The following MNAT1 variants were observed in gnomAD, a reference collection of about 807,000 sequenced individuals.
The protein encoded by MNAT1 is CDK-activating kinase assembly factor MAT1.
In MNAT1, 43 loss-of-function variants were observed where a neutral mutation model predicts 42.0. The ratio of observed to expected loss-of-function variants is 1.02; its 90% confidence interval spans 0.80 to 1.32. MNAT1 has a LOEUF of 1.32. Among genes scored for constraint, MNAT1 ranks in the 40% most tolerant of loss-of-function variants. The pLI, the probability that MNAT1 is intolerant of heterozygous loss-of-function variation, is 0.00. For missense variants in MNAT1, 306 were observed against 350.4 expected (o/e 0.87, Z 1.01); for synonymous variants, 118 against 120.0 (o/e 0.98, Z 0.11).
chr14:60,780,852 G>A (rs1363239030), intron 1 of MNAT1, among the ~76,000 whole-genome samples: 1 of 151,902 alleles, frequency 6.6e-6, no homozygotes, highest in Non-Finnish European at 1.5e-5. Context: ...ACATTGTGAT[G>A]TATATTCCTT....
chr14:60,766,716 A>T (rs1025413101), intron 1 of MNAT1, among the ~76,000 whole-genome samples: 1 of 152,210 alleles, frequency 6.6e-6, no homozygotes, highest in South Asian at 2.1e-4. Flanking sequence ...CTCAAAAAAA[A>T]CAAAAATCTT....
intron 1 of MNAT1, among the ~76,000 whole-genome samples, chr14:60,767,472 C>T (rs1337301769): frequency 6.6e-6 from 1 of 152,020 alleles, no homozygotes; most frequent in African/African-American, 2.4e-5. Flanking sequence ...ACTTAAGATA[C>T]ATAGAGGATG....
At chr14:60,815,378 C>G (rs1477406543) in intron 5 of MNAT1, among the ~76,000 whole-genome samples, 2 of 152,072 alleles carry the variant, frequency 1.3e-5, no homozygotes, top group East Asian at 3.9e-4. Flanking sequence ...CCATGCCCAG[C>G]TAATTTTTTT....
intron 7 of MNAT1, among the ~76,000 whole-genome samples, chr14:60,920,951 A>C (rs924913252): frequency 2.0e-5 from 3 of 152,180 alleles, no homozygotes; most frequent in African/African-American, 7.2e-5. Context: ...TTTGGGTTAA[A>C]GTACTCTGGT....
intron 3 of MNAT1, among the ~76,000 whole-genome samples, chr14:60,802,245 A>C (rs1264758075): frequency 6.6e-6 from 1 of 152,142 alleles, no homozygotes; most frequent in Admixed American, 6.6e-5. Flanking sequence ...AGGAGGAATA[A>C]GTTTTTGAGG....
chr14:60,825,805 T>C (rs1207473964), intron 6 of MNAT1, among the ~76,000 whole-genome samples: 1 of 152,164 alleles, frequency 6.6e-6, no homozygotes, highest in African/African-American at 2.4e-5. Flanking sequence ...AGTGGGCTGA[T>C]TGTATGACCT....
chr14:60,951,270 T>TC (rs1374581079), intron 7 of MNAT1, among the ~76,000 whole-genome samples: 4 of 150,002 alleles, frequency 2.7e-5, no homozygotes, highest in African/African-American at 7.4e-5. Context: ...CCCTCCCTTT[T>TC]TTTTTTTTTT....
At chr14:60,941,289 A>G (rs1346008687) in intron 7 of MNAT1, among the ~76,000 whole-genome samples, 1 of 152,230 alleles carries the variant, frequency 6.6e-6, no homozygotes, top group Non-Finnish European at 1.5e-5. Flanking sequence ...TAATGAATTT[A>G]TGGTCAATAC....
chr14:60,825,108 T>C (rs1414581200), intron 6 of MNAT1, among the ~76,000 whole-genome samples: 1 of 152,150 alleles, frequency 6.6e-6, no homozygotes, highest in Non-Finnish European at 1.5e-5. Flanking sequence ...AAATAACTCA[T>C]ATATGTGATC....
chr14:60,833,788 G>A (rs1409789807), intron 6 of MNAT1, among the ~76,000 whole-genome samples: 1 of 152,166 alleles, frequency 6.6e-6, no homozygotes, highest in Non-Finnish European at 1.5e-5. Flanking sequence ...GTATTCAGCT[G>A]TGAATCTGTA....
chr14:60,812,911 G>C (rs889188000), intron 5 of MNAT1, among the ~76,000 whole-genome samples: 5 of 152,102 alleles, frequency 3.3e-5, no homozygotes, highest in African/African-American at 1.2e-4. Flanking sequence ...CATTCTTCTT[G>C]GATGCCAGAC....
At chr14:60,812,268 A>G in intron 5 of MNAT1, 141 bp downstream of exon 5, 1 of 703,168 alleles carries the variant, frequency 1.4e-6, no homozygotes, top group Non-Finnish European at 2.2e-6. Flanking sequence ...TTATGTATTG[A>G]TATCAGTGTA....
chr14:60,828,720 C>T (rs1432857943), intron 6 of MNAT1, among the ~76,000 whole-genome samples: 1 of 152,132 alleles, frequency 6.6e-6, no homozygotes, highest in Non-Finnish European at 1.5e-5. Flanking sequence ...TCGAAAGCTC[C>T]AGGTGGTAAC....
intron 7 of MNAT1, among the ~76,000 whole-genome samples, chr14:60,905,075 T>G (rs1332085289): frequency 1.3e-5 from 2 of 151,372 alleles, no homozygotes; most frequent in Non-Finnish European, 2.9e-5. Flanking sequence ...TTTACTTTTG[T>G]TATTCATTTG....
At chr14:60,779,797 A>AG (rs1259534720) in intron 1 of MNAT1, among the ~76,000 whole-genome samples, 3 of 152,120 alleles carry the variant, frequency 2.0e-5, no homozygotes, top group Non-Finnish European at 4.4e-5. Context: ...AGAAAAAAAA[A>AG]GAAAAAAAGA....
At chr14:60,956,996 T>C (rs898891435) in intron 7 of MNAT1, among the ~76,000 whole-genome samples, 1 of 152,242 alleles carries the variant, frequency 6.6e-6, no homozygotes, top group Non-Finnish European at 1.5e-5. Flanking sequence ...AAAGTAATGA[T>C]TGATAGGTAA....
In MNAT1 at chr14:60,946,309, C is replaced by G. The variant is rs147106155; in HGVS notation, c.810-21920C>G. 5.1e-3 allele frequency among the ~76,000 whole-genome samples: 781 copies of G among 152,208 alleles called. 14 individuals are homozygous for G. Among genetic ancestry groups the G allele is most frequent in the African/African-American group, 0.018 (733 of 41,520 alleles). ...CTTTGAAAAAAGTCTTATACTTGCT[C>G]TCTCTACTTCCTTATTTCTGATTCA... On this transcript the variant is annotated intron_variant, in intron 7 of 7. Coordinates refer to ENST00000261245, the MANE Select transcript of MNAT1 (RefSeq NM_002431.4).
chr14:60,874,492 C>T (rs2034394996), intron 6 of MNAT1, among the ~76,000 whole-genome samples: 1 of 151,568 alleles, frequency 6.6e-6, no homozygotes, highest in Non-Finnish European at 1.5e-5. Context: ...TCTCAATATT[C>T]TTCCTCTCAA....
chr14:60,945,454 G>C (rs901203885), intron 7 of MNAT1, among the ~76,000 whole-genome samples: 1 of 151,836 alleles, frequency 6.6e-6, no homozygotes, highest in Non-Finnish European at 1.5e-5. Context: ...TTCCTTATAG[G>C]AATCACTTTA....
Sources: gnomAD v4.1 joint callset for allele counts (sites outside exome capture counted in the v4.1 genomes callset) on GRCh38, gnomAD v4.1.1 for gene constraint, MANE v1.5 for transcripts, NCBI Gene and HGNC (gene_info 2026-07-23, HGNC 2026-07-21) for gene names.